The following CAPZB variants were observed in gnomAD, a reference collection of about 807,000 sequenced individuals.
CAPZB encodes F-actin-capping protein subunit beta.
CAPZB carries 2 observed loss-of-function variants against 38.1 expected under a neutral mutation model. The observed-to-expected ratio is 0.05, with a 90% CI of 0.02 to 0.17. CAPZB has a LOEUF of 0.17. CAPZB is among the 10% of genes least tolerant of loss of function. The pLI, the probability that CAPZB is intolerant of heterozygous loss-of-function variation, is 1.00. For missense variants in CAPZB, 161 were observed against 334.2 expected (o/e 0.48, Z 4.04); for synonymous variants, 107 against 127.4 (o/e 0.84, Z 1.08).
chr1:19,353,264 C>T lies in CAPZB; in HGVS notation c.588+3371G>A, dbSNP rs185834464. On this transcript the variant is annotated intron_variant, in intron 6 of 8. Coordinates refer to ENST00000264202, the MANE Select transcript of CAPZB (RefSeq NM_004930.5). ...GCTCCAAAACCAAGCAGCCTTCCTT[C>T]CTGACACACGTGGGGCAAGGGCATG... 1.4e-3 allele frequency among the ~76,000 whole-genome samples: 208 copies of T among 152,258 alleles called. 3 individuals carry two copies. The South Asian group carries it at 0.015, about 11-fold the overall frequency.
At chr1:19,428,614 C>T (rs2094431840) in intron 1 of CAPZB, among the ~76,000 whole-genome samples, 1 of 152,144 alleles carries the variant, frequency 6.6e-6, no homozygotes, top group Non-Finnish European at 1.5e-5. Flanking sequence ...ATCTCAATTT[C>T]ATCTGAGTCC....
At chr1:19,378,442 G>A in intron 4 of CAPZB, 98 bp downstream of exon 4, 1 of 744,758 alleles carries the variant, frequency 1.3e-6, no homozygotes, top group South Asian at 1.5e-5. Context: ...AAGGGAGAAT[G>A]CTTGGCCAGG....
At chr1:19,350,011 A>G (rs1335220602) in intron 6 of CAPZB, among the ~76,000 whole-genome samples, 1 of 152,224 alleles carries the variant, frequency 6.6e-6, no homozygotes, top group South Asian at 2.1e-4. Flanking sequence ...GTGGCTGCAG[A>G]TGTTCCACGA....
chr1:19,480,454 C>T (rs2094623894), intron 1 of CAPZB, among the ~76,000 whole-genome samples: 2 of 152,208 alleles, frequency 1.3e-5, no homozygotes, highest in Non-Finnish European at 2.9e-5. Flanking sequence ...CTGCAGAGAC[C>T]ATGTTCTGTG....
chr1:19,431,461 A>C (rs1018169256), intron 1 of CAPZB, among the ~76,000 whole-genome samples: 1 of 152,208 alleles, frequency 6.6e-6, no homozygotes, highest in Non-Finnish European at 1.5e-5. Context: ...GCACTTTGGG[A>C]GGCCAAGGTG....
rs1345246444 is a variant in CAPZB, at chr1:19,339,248, G to C, written c.*282C>G. The C allele has an allele frequency of 2.2e-6, 1 of 452,470 alleles. No individual in the cohort carries two copies. Among genetic ancestry groups the C allele is most frequent in the African/African-American group, 2.0e-5 (1 of 50,246 alleles). 28.0% of individuals were successfully genotyped at this position (452,470 alleles called of 1,614,324 possible). ...GTGGATTTTATGCCTATAAATGGGG[G>C]GACAGGGAGGAAGACGGGGGGCCCG... On this transcript the variant is annotated 3_prime_UTR_variant, in exon 9 of 9. Coordinates refer to ENST00000264202, the MANE Select transcript of CAPZB (RefSeq NM_004930.5).
chr1:19,457,871 C>T (rs2094537829), intron 1 of CAPZB, among the ~76,000 whole-genome samples: 1 of 152,054 alleles, frequency 6.6e-6, no homozygotes, highest in South Asian at 2.1e-4. Flanking sequence ...AGAAAAACAA[C>T]AACAACTGGA....
chr1:19,435,320 C>A (rs1179303750), intron 1 of CAPZB, among the ~76,000 whole-genome samples: 5 of 152,148 alleles, frequency 3.3e-5, no homozygotes, highest in Non-Finnish European at 7.3e-5. Context: ...AAGAAGAAAG[C>A]TGGCTGAGGA....
intron 1 of CAPZB, among the ~76,000 whole-genome samples, chr1:19,432,056 A>AAAAAAAAAAG (rs1488349031): frequency 5.2e-3 from 446 of 85,856 alleles, no homozygotes; most frequent in African/African-American, 0.01. Flanking sequence ...AAAAAAAAAA[A>AAAAAAAAAAG]AAAAAAAAAG....
chr1:19,477,641 A>G (rs1313451702), intron 1 of CAPZB, among the ~76,000 whole-genome samples: 1 of 152,232 alleles, frequency 6.6e-6, no homozygotes, highest in Non-Finnish European at 1.5e-5. Context: ...CCTGCCAATC[A>G]CTGCTGCAAC....
chr1:19,350,465 C>A (rs2093985668), intron 6 of CAPZB, among the ~76,000 whole-genome samples: 1 of 152,264 alleles, frequency 6.6e-6, no homozygotes, highest in Non-Finnish European at 1.5e-5. Context: ...GGTTGGAGGT[C>A]AGGACCCGGC....
chr1:19,367,224 G>A (rs889784940), intron 4 of CAPZB, among the ~76,000 whole-genome samples: 1 of 152,208 alleles, frequency 6.6e-6, no homozygotes, highest in Admixed American at 6.5e-5. Context: ...ATACCAGCCT[G>A]CACTCAAGAT....
Position 19,452,866 on chromosome 1 carries a change from C to T in CAPZB, c.3+32570G>A, listed in dbSNP as rs921391405. Among the ~76,000 whole-genome samples, 6 of 148,134 alleles carry T rather than the reference C, an allele frequency of 4.1e-5. No individual in the cohort carries two copies. The East Asian group carries it at 6.0e-4, about 15-fold the overall frequency. ...TCGCCCAGGCTAGAATGCAGTGGAG[C>T]GCTCTTGGCTCACTGCAACCTCTGC... On this transcript the variant is annotated intron_variant, in intron 1 of 8. Coordinates refer to ENST00000264202, the MANE Select transcript of CAPZB (RefSeq NM_004930.5).
At chr1:19,474,181 A>G (rs541474857) in intron 1 of CAPZB, among the ~76,000 whole-genome samples, 72 of 152,162 alleles carry the variant, frequency 4.7e-4, no homozygotes, top group South Asian at 8.3e-4. Context: ...TTTTTTGTAG[A>G]GACAGGATTT....
At chr1:19,398,316 C>T (rs1040503530) in intron 2 of CAPZB, among the ~76,000 whole-genome samples, 5 of 148,074 alleles carry the variant, frequency 3.4e-5, no homozygotes, top group Non-Finnish European at 4.5e-5. Flanking sequence ...CCTTGGGAGG[C>T]GAATGACCTT....
Position 19,348,767 on chromosome 1 carries a change from GGGC to G in CAPZB, c.589-3518_589-3516del, listed in dbSNP as rs1306687093. Among the ~76,000 whole-genome samples the G allele has an allele frequency of 4.4e-3, 597 of 136,066 alleles. 9 individuals carry two copies. The highest frequency in any genetic ancestry group is 5.7e-3 in the Non-Finnish European group (353 of 62,218). The allele number at this position is 136,066 out of a possible 152,430, so 89.3% of individuals were successfully genotyped here. A position where few individuals can be genotyped will look rare whatever the true frequency, so the allele number is the denominator to read the frequency against. On this transcript the variant is annotated intron_variant, in intron 6 of 8. Coordinates refer to ENST00000264202, the MANE Select transcript of CAPZB (RefSeq NM_004930.5). ...ACGGGTGGCATCTGACAAGGGGGGGGGGCGGTCTAGGTGAGGGCAACAGTCCAG... is the reference window on the plus strand; with the variant it reads ...ACGGGTGGCATCTGACAAGGGGGGGGGGTCTAGGTGAGGGCAACAGTCCAG...
intron 1 of CAPZB, chr1:19,484,270 T>A: frequency 6.2e-7 from 1 of 1,612,020 alleles, no homozygotes; most frequent in East Asian, 2.2e-5. Flanking sequence ...CTGCGCCTGC[T>A]TGGGTGCATC....
At chr1:19,366,508 G>A (rs1218760989) in intron 4 of CAPZB, among the ~76,000 whole-genome samples, 3 of 151,290 alleles carry the variant, frequency 2.0e-5, no homozygotes, top group East Asian at 4.0e-4. Context: ...GGCCAGCATG[G>A]TGAATCCCAT....
chr1:19,464,674 T>C lies in CAPZB; in HGVS notation c.3+20762A>G, dbSNP rs117975254. Reference sequence around the variant, plus strand: ...CAAATGTTCATCAACTGCTGAATGGTACGTCCATACCATGGAATACTATGG... The same window carrying C: ...CAAATGTTCATCAACTGCTGAATGGCACGTCCATACCATGGAATACTATGG... On this transcript the variant is annotated intron_variant, in intron 1 of 8. Transcript: ENST00000264202. 2.3e-4 allele frequency among the ~76,000 whole-genome samples: 35 copies of C among 152,202 alleles called. No homozygotes were observed. The East Asian group carries it at 6.8e-3, about 29-fold the overall frequency.
Sources: allele counts gnomAD v4.1 joint callset (sites outside exome capture counted in the v4.1 genomes callset), GRCh38; gene constraint gnomAD v4.1.1; transcripts MANE v1.5; gene names NCBI Gene and HGNC (gene_info 2026-07-23, HGNC 2026-07-21).